FOXN3: variants seen among roughly 807,000 people sequenced by gnomAD.
FOXN3 encodes forkhead box N3, also known as forkhead box protein N3.
A neutral mutation model predicts 38.4 loss-of-function variants in FOXN3; 7 were observed. That is an observed-to-expected ratio of 0.18 (90% CI 0.10 to 0.34). The LOEUF is 0.34. FOXN3 is among the 10% of genes least tolerant of loss of function. FOXN3 has a pLI of 1.00. For synonymous variants in FOXN3, 230 were observed against 242.2 expected (o/e 0.95, Z 0.47); for missense variants, 456 against 613.4 (o/e 0.74, Z 2.71).
rs368815018 is a variant in FOXN3, at chr14:89,250,895, C to T, written c.745+30055G>A. 4.6e-4 allele frequency among the ~76,000 whole-genome samples: 70 copies of T among 152,282 alleles called. 1 individual carries two copies. The highest frequency in any genetic ancestry group is 1.5e-3 in the African/African-American group (62 of 41,546). On this transcript the variant is annotated intron_variant, in intron 4 of 5. Transcript: ENST00000557258. Reference sequence around the variant, plus strand: ...CTCTCTTGCCTGCCACCATTTAAGACGTGACTTTGCTCCTCCTTTGCCTTC... The same window carrying T: ...CTCTCTTGCCTGCCACCATTTAAGATGTGACTTTGCTCCTCCTTTGCCTTC...
chr14:89,277,712 CG>C, intron 4 of FOXN3, among the ~76,000 whole-genome samples: 1 of 152,262 alleles, frequency 6.6e-6, no homozygotes, highest in East Asian at 1.9e-4. Context: ...AACCAAACAA[CG>C]ATTTGACAAT....
At position 89,500,485 on chromosome 14, in the gene FOXN3, C is replaced by A. The variant is rs140866647; in HGVS notation, c.-14-87995G>T. ...TTATTCAATAGGAGAGGTCAGGGACCTTTACCACTCTGTTTCAAGCGCCCT... is the reference window on the plus strand; with the variant it reads ...TTATTCAATAGGAGAGGTCAGGGACATTTACCACTCTGTTTCAAGCGCCCT... On this transcript the variant is annotated intron_variant, in intron 1 of 6. Coordinates refer to the FOXN3 transcript ENST00000345097. Among the ~76,000 whole-genome samples the A allele has an allele frequency of 4.6e-3, 700 of 152,298 alleles. 5 individuals carry two copies. Among genetic ancestry groups the A allele is most frequent in the Admixed American group, 7.7e-3 (118 of 15,300 alleles).
chr14:89,610,515 G>T (rs1409162739), intron 1 of FOXN3, among the ~76,000 whole-genome samples: 1 of 152,164 alleles, frequency 6.6e-6, no homozygotes, highest in Non-Finnish European at 1.5e-5. Context: ...TCCTGGGATG[G>T]TCTCCCAAGA....
chr14:89,380,235 G>T (rs552158468), intron 2 of FOXN3, among the ~76,000 whole-genome samples: 3 of 152,288 alleles, frequency 2.0e-5, no homozygotes, highest in East Asian at 3.9e-4. Context: ...CCCTGCACAA[G>T]TTCTCTCTTT....
Position 89,159,988 on chromosome 14 carries a change from G to C in FOXN3, c.*2426C>G, listed in dbSNP as rs1887059950. 6.6e-6 allele frequency: 1 copy of C among 152,200 alleles called. No individual in the cohort carries two copies. Among genetic ancestry groups the C allele is most frequent in the Non-Finnish European group, 1.5e-5 (1 of 68,058 alleles). 9.4% of individuals were successfully genotyped at this position (152,200 alleles called of 1,614,324 possible). On this transcript the variant is annotated 3_prime_UTR_variant, in exon 6 of 6. Transcript: ENST00000557258. ...GAAGGTAAGTGTGGGGAATGCACCA[G>C]TTAGTTCCCACTGTCCGGGCTGATG...
chr14:89,162,411 T>A lies in FOXN3; in HGVS notation c.*3A>T, dbSNP rs370548969. 6.5e-7 allele frequency: 1 copy of A among 1,542,092 alleles called. No individual in the cohort carries two copies. Among genetic ancestry groups the A allele is most frequent in the Non-Finnish European group, 8.7e-7 (1 of 1,145,108 alleles). On this transcript the variant is annotated 3_prime_UTR_variant, in exon 6 of 6. Coordinates refer to ENST00000557258, the MANE Select transcript of FOXN3 (RefSeq NM_005197.4). This position sits in a 1 kb window ranked among gnomAD's most constrained non-coding sequence, Gnocchi z 7.2. ...AAGTTCAAAACAAATCAGTGACTTG[T>A]TTTTAATTTTTTGTGGTTTCCTTTT...
chr14:89,220,904 G>A (rs1884442315), intron 4 of FOXN3, among the ~76,000 whole-genome samples: 2 of 152,090 alleles, frequency 1.3e-5, no homozygotes, highest in African/African-American at 4.8e-5. Context: ...TCACCAAGGG[G>A]AGGCAACCCT....
chr14:89,327,818 T>C (rs1408072043), intron 3 of FOXN3, among the ~76,000 whole-genome samples: 1 of 152,144 alleles, frequency 6.6e-6, no homozygotes, highest in Non-Finnish European at 1.5e-5. Context: ...AACATTATAA[T>C]AAGCAGAGGC....
Position 89,297,825 on chromosome 14 carries a change from T to A in FOXN3, c.681-16811A>T, listed in dbSNP as rs570730431. Among the ~76,000 whole-genome samples, 217 of 150,432 alleles carry A rather than the reference T, an allele frequency of 1.4e-3. 1 individual carries two copies. The highest frequency in any genetic ancestry group is 3.4e-3 in the Middle Eastern group (1 of 292). ...AGACCCTGATTCTACAAAAAAAAAA[T>A]TTTTTTTTAAGTCACCGGGTGTGGT... On this transcript the variant is annotated intron_variant, in intron 3 of 5. Coordinates refer to ENST00000557258, the MANE Select transcript of FOXN3 (RefSeq NM_005197.4).
In FOXN3 at chr14:89,533,730, A is replaced by G. The variant is rs74493121; in HGVS notation, c.-15+85298T>C. On this transcript the variant is annotated intron_variant, in intron 1 of 6. Coordinates refer to the FOXN3 transcript ENST00000345097. ...TTTAAGGTGAAAGCTTATTATCAGC[A>G]AAGTACTGACTAAAAGCCATGTTTC... Among the ~76,000 whole-genome samples the G allele has an allele frequency of 9.9e-4, 150 of 151,384 alleles. 3 individuals carry two copies. The East Asian group carries it at 0.024, about 24-fold the overall frequency.
rs1322033228 is a variant in FOXN3, at chr14:89,579,700, G to A, written c.-15+39328C>T. On this transcript the variant is annotated intron_variant, in intron 1 of 6. Transcript: ENST00000345097. ...ACCTCAGGACCTTGGCATGTACAAGGCTAGCCCCTTCCATGCAGAGAACCC... is the reference window on the plus strand; with the variant it reads ...ACCTCAGGACCTTGGCATGTACAAGACTAGCCCCTTCCATGCAGAGAACCC... Among the ~76,000 whole-genome samples, 6 of 152,180 alleles carry A rather than the reference G, an allele frequency of 3.9e-5. No homozygotes were observed. The South Asian group carries it at 8.3e-4, about 21-fold the overall frequency.
In FOXN3 at chr14:89,555,872, TGTGTATGTGGGG is replaced by T. The variant is rs1194754677; in HGVS notation, c.-15+63144_-15+63155del. ...GTGTGTGTGTGTGTGTGTGTGTGTG[TGTGTATGTGGGG>T]GTGTATGTGGGGGTGTGTGTGTTGT... On this transcript the variant is annotated intron_variant, in intron 1 of 6. Transcript: ENST00000345097. 2.7e-3 allele frequency among the ~76,000 whole-genome samples: 325 copies of T among 121,862 alleles called. 10 individuals are homozygous for T. Among genetic ancestry groups the T allele is most frequent in the South Asian group, 5.6e-3 (18 of 3,192 alleles). The allele number at this position is 121,862 out of a possible 152,430, so 79.9% of individuals were successfully genotyped here.
intron 2 of FOXN3, among the ~76,000 whole-genome samples, chr14:89,352,756 G>T (rs1441425137): frequency 6.6e-6 from 1 of 152,038 alleles, no homozygotes; most frequent in Non-Finnish European, 1.5e-5. Flanking sequence ...AAAATAATAT[G>T]ACAAAGAAAT....
chr14:89,530,667 T>C (rs996533671), intron 1 of FOXN3, among the ~76,000 whole-genome samples: 4 of 151,824 alleles, frequency 2.6e-5, no homozygotes, highest in African/African-American at 9.7e-5. Context: ...TGGAGTGCAG[T>C]GGCACGATCT....
intron 4 of FOXN3, among the ~76,000 whole-genome samples, chr14:89,202,920 T>C (rs961026351): frequency 6.6e-6 from 1 of 151,764 alleles, no homozygotes; most frequent in Non-Finnish European, 1.5e-5. Flanking sequence ...CCACAGAACT[T>C]TGGAGCCTAA....
intron 3 of FOXN3, among the ~76,000 whole-genome samples, chr14:89,329,231 TC>T (rs1347961100): frequency 6.6e-6 from 1 of 152,196 alleles, no homozygotes; most frequent in Non-Finnish European, 1.5e-5. Flanking sequence ...TGTTAATTTT[TC>T]CCAGGCTGTG....
intron 3 of FOXN3, among the ~76,000 whole-genome samples, chr14:89,310,833 A>G (rs1164786715): frequency 3.9e-5 from 6 of 152,126 alleles, no homozygotes; most frequent in Non-Finnish European, 7.4e-5. Flanking sequence ...TTGGCCAGGC[A>G]CTGTGGCTCA....
chr14:89,399,700 G>GTTT (rs1352832972), intron 2 of FOXN3, among the ~76,000 whole-genome samples: 1 of 152,156 alleles, frequency 6.6e-6, no homozygotes, highest in African/African-American at 2.4e-5. Flanking sequence ...CTTCCTTCTG[G>GTTT]AAGGGGGAGG....
chr14:89,566,201 T>G (rs1327261445), intron 1 of FOXN3, among the ~76,000 whole-genome samples: 1 of 152,216 alleles, frequency 6.6e-6, no homozygotes, highest in Non-Finnish European at 1.5e-5. Context: ...TTTACCTTTT[T>G]TTCAAAAGTA....
Sources: allele counts gnomAD v4.1 joint callset (sites outside exome capture counted in the v4.1 genomes callset), GRCh38; gene constraint gnomAD v4.1.1; non-coding constraint Gnocchi (gnomAD v3.1); transcripts MANE v1.5; gene names NCBI Gene and HGNC (gene_info 2026-07-23, HGNC 2026-07-21).